The following JAZF1 variants were observed in gnomAD, a reference collection of about 807,000 sequenced individuals.
JAZF1 encodes the protein juxtaposed with another zinc finger protein 1.
JAZF1 carries 8 observed loss-of-function variants against 26.4 expected under a neutral mutation model. The observed-to-expected ratio is 0.30, with a 90% CI of 0.18 to 0.55. JAZF1 has a LOEUF of 0.55. Among genes scored for constraint, JAZF1 ranks in the 20% least tolerant of loss-of-function variants. JAZF1 has a pLI of 0.94. For missense variants in JAZF1, 199 were observed against 322.0 expected (o/e 0.62, Z 2.92); for synonymous variants, 126 against 122.3 (o/e 1.03, Z -0.20).
In JAZF1 at chr7:28,137,610, TA is replaced by T. The variant is rs543386341; in HGVS notation, c.115+42852del. Among the ~76,000 whole-genome samples the T allele has an allele frequency of 1.6e-4, 24 of 152,308 alleles. No individual in the cohort carries two copies. The South Asian group carries it at 5.0e-3, about 32-fold the overall frequency. On this transcript the variant is annotated intron_variant, in intron 1 of 4. Coordinates refer to ENST00000283928, the MANE Select transcript of JAZF1 (RefSeq NM_175061.4). The stretch of plus-strand genomic sequence containing the variant: ...GGTGCGCTCTTGGATGAACTGTGCA[TA>T]ATTCCTCTACGTATCCCTGGGATAT...
chr7:28,134,247 C>G (rs555201080), intron 1 of JAZF1, among the ~76,000 whole-genome samples: 4 of 152,296 alleles, frequency 2.6e-5, no homozygotes, highest in African/African-American at 9.6e-5. Flanking sequence ...TCATCTCCAA[C>G]TAAATATTTA....
intron 1 of JAZF1, among the ~76,000 whole-genome samples, chr7:28,038,260 A>C (rs1783328547): frequency 6.6e-6 from 1 of 152,212 alleles, no homozygotes; most frequent in Non-Finnish European, 1.5e-5. Flanking sequence ...TACAGCCTAT[A>C]AACTTTGGGA....
intron 3 of JAZF1, among the ~76,000 whole-genome samples, chr7:27,889,631 A>T (rs1442798513): frequency 6.6e-6 from 1 of 152,188 alleles, no homozygotes; most frequent in African/African-American, 2.4e-5. Flanking sequence ...CTTAAATAAA[A>T]GATAAAATTG....
At chr7:27,897,024 C>A (rs908116321) in intron 2 of JAZF1, among the ~76,000 whole-genome samples, 1 of 152,104 alleles carries the variant, frequency 6.6e-6, no homozygotes, top group African/African-American at 2.4e-5. Context: ...TCTTTCCCTC[C>A]GCCTCATAAA....
intron 1 of JAZF1, among the ~76,000 whole-genome samples, chr7:28,176,424 G>GT (rs1215907987): frequency 1.3e-5 from 2 of 152,140 alleles, no homozygotes; most frequent in Non-Finnish European, 2.9e-5. Context: ...CTCCTTCGAG[G>GT]TTTTGTCTCC....
chr7:27,910,688 C>T (rs532571187), intron 2 of JAZF1, among the ~76,000 whole-genome samples: 60 of 152,314 alleles, frequency 3.9e-4, no homozygotes, highest in African/African-American at 1.4e-3. Context: ...ATAAACCAGG[C>T]AAACCCTCTT....
At position 27,895,441 on chromosome 7, in the gene JAZF1, A is replaced by C. The variant is rs1442841415; in HGVS notation, c.189-25T>G. ...TCTGAAACAATAATGGAAGGTAAGG[A>C]ACCTGGGCCATGTATAGAGCATGAG... On this transcript the variant is annotated intron_variant, in intron 2 of 4. Transcript: ENST00000283928. 3.9e-6 allele frequency: 6 copies of C among 1,549,068 alleles called. No homozygotes were observed. The South Asian group carries it at 7.2e-5, about 19-fold the overall frequency.
intron 1 of JAZF1, among the ~76,000 whole-genome samples, chr7:28,019,145 C>A (rs2128372380): frequency 6.6e-6 from 1 of 152,318 alleles, no homozygotes; most frequent in South Asian, 2.1e-4. Flanking sequence ...AAGTTATACT[C>A]CAGAAGCCCT....
At chr7:28,160,944 A>G (rs1022185436) in intron 1 of JAZF1, among the ~76,000 whole-genome samples, 16 of 152,228 alleles carry the variant, frequency 1.1e-4, no homozygotes, top group Admixed American at 8.5e-4. Context: ...GCATTTTTTG[A>G]CCTGAAAGAA....
Position 28,179,531 on chromosome 7 carries a change from G to A in JAZF1, c.115+932C>T, listed in dbSNP as rs550244501. 4.5e-4 allele frequency among the ~76,000 whole-genome samples: 69 copies of A among 152,006 alleles called. No individual in the cohort carries two copies. In the South Asian group the frequency reaches 4.6e-3, roughly 10 times the overall value. ...CATTAGAAAGGCAAATCGCAGAGCC[G>A]GGGTGCATTTAAATGCCCGGCCATG... On this transcript the variant is annotated intron_variant, in intron 1 of 4. Transcript: ENST00000283928.
intron 1 of JAZF1, among the ~76,000 whole-genome samples, chr7:28,162,814 G>A (rs915751889): frequency 1.3e-5 from 2 of 152,152 alleles, no homozygotes; most frequent in African/African-American, 4.8e-5. Flanking sequence ...GGCTTCAGGA[G>A]TCTTTATTTC....
At chr7:27,975,154 G>A (rs975366666) in intron 2 of JAZF1, among the ~76,000 whole-genome samples, 3 of 152,092 alleles carry the variant, frequency 2.0e-5, no homozygotes, top group Non-Finnish European at 4.4e-5. Flanking sequence ...CAAAGTGCTG[G>A]GATTACAGGC....
At chr7:28,135,205 C>T (rs1032641483) in intron 1 of JAZF1, among the ~76,000 whole-genome samples, 1 of 152,166 alleles carries the variant, frequency 6.6e-6, no homozygotes, top group African/African-American at 2.4e-5. Flanking sequence ...TAAATGTGAA[C>T]ATGTAAACAT....
intron 1 of JAZF1, among the ~76,000 whole-genome samples, chr7:28,061,397 A>C (rs549497682): frequency 6.6e-6 from 1 of 152,374 alleles, no homozygotes; most frequent in Admixed American, 6.5e-5. Flanking sequence ...CTGTTTAAGA[A>C]AGTACACAAA....
chr7:27,964,809 T>C (rs1785247389), intron 2 of JAZF1, among the ~76,000 whole-genome samples: 1 of 151,992 alleles, frequency 6.6e-6, no homozygotes, highest in Non-Finnish European at 1.5e-5. Flanking sequence ...AACTCATGAA[T>C]CTGTTAGTCC....
intron 1 of JAZF1, among the ~76,000 whole-genome samples, chr7:28,170,837 T>C (rs548652390): frequency 4.5e-4 from 68 of 152,326 alleles, no homozygotes; most frequent in African/African-American, 1.4e-3. Flanking sequence ...ACTGAGTATA[T>C]GGGCACACCT....
At chr7:28,084,444 C>T (rs539421833) in intron 1 of JAZF1, among the ~76,000 whole-genome samples, 1 of 152,330 alleles carries the variant, frequency 6.6e-6, no homozygotes, top group East Asian at 1.9e-4. Flanking sequence ...TGAACTCCCA[C>T]TTCAAAATTT....
intron 1 of JAZF1, among the ~76,000 whole-genome samples, chr7:28,140,671 A>T (rs1583581805): frequency 6.6e-6 from 1 of 152,332 alleles, no homozygotes; most frequent in East Asian, 1.9e-4. Context: ...ATCATAGCAC[A>T]TAGAGTCAAT....
chr7:27,873,977 G>C (rs1325147829), intron 3 of JAZF1, among the ~76,000 whole-genome samples: 3 of 152,236 alleles, frequency 2.0e-5, no homozygotes, highest in Non-Finnish European at 4.4e-5. Flanking sequence ...GATTTGCCAG[G>C]CGTGGGTTCT....
Sources: gnomAD v4.1 joint callset for allele counts (sites outside exome capture counted in the v4.1 genomes callset) on GRCh38, gnomAD v4.1.1 for gene constraint, MANE v1.5 for transcripts, NCBI Gene and HGNC (gene_info 2026-07-23, HGNC 2026-07-21) for gene names.